The following WIF1 variants were observed in gnomAD, a reference collection of about 807,000 sequenced individuals.
The protein encoded by WIF1 is Wnt inhibitory factor 1.
Under a neutral mutation model 53.5 loss-of-function variants are expected in WIF1, and 35 were observed. That is an observed-to-expected ratio of 0.65 (90% CI 0.50 to 0.87). WIF1 has a LOEUF of 0.87. Ranked by LOEUF, WIF1 falls within the 40% of genes least tolerant of loss-of-function variation. WIF1 has a pLI of 0.00. For missense variants in WIF1, 467 were observed against 476.8 expected, an observed-to-expected ratio of 0.98 and a Z score of 0.19; for synonymous variants, 171 against 170.4, an observed-to-expected ratio of 1.00 and a Z score of -0.03.
At chr12:65,095,429 A>G (rs1033613954) in intron 2 of WIF1, among the ~76,000 whole-genome samples, 3 of 152,160 alleles carry the variant, frequency 2.0e-5, no homozygotes, top group African/African-American at 7.2e-5. Flanking sequence ...CTCACAATAC[A>G]TTCATTGTAC....
At chr12:65,057,097 A>T (rs942963274) in intron 7 of WIF1, among the ~76,000 whole-genome samples, 2 of 152,126 alleles carry the variant, frequency 1.3e-5, no homozygotes, top group African/African-American at 4.8e-5. Context: ...GAATGGGGGA[A>T]TGGGAGGGGT....
At chr12:65,082,246 C>G (rs892811876) in intron 2 of WIF1, among the ~76,000 whole-genome samples, 6 of 152,046 alleles carry the variant, frequency 3.9e-5, no homozygotes, top group Admixed American at 3.9e-4. Context: ...CCAAAGAGAA[C>G]AGAGAACTAG....
chr12:65,113,281 G>C (rs1397393292), intron 2 of WIF1, among the ~76,000 whole-genome samples: 1 of 152,194 alleles, frequency 6.6e-6, no homozygotes, highest in African/African-American at 2.4e-5. Flanking sequence ...GCTGAACTCA[G>C]TCCTCAAAGT....
At chr12:65,090,112 T>C (rs999762786) in intron 2 of WIF1, among the ~76,000 whole-genome samples, 3 of 152,066 alleles carry the variant, frequency 2.0e-5, no homozygotes, top group Admixed American at 1.3e-4. Flanking sequence ...CTGAGAGAGG[T>C]AGACATTTGG....
chr12:65,058,539 G>A (rs867291455), intron 7 of WIF1, among the ~76,000 whole-genome samples: 1 of 152,126 alleles, frequency 6.6e-6, no homozygotes, highest in African/African-American at 2.4e-5. Context: ...CAACAGAAAC[G>A]TGACTGCAGG....
rs976282443 is a variant in WIF1 at position 65,121,245 on chromosome 12, A to G, written c.-54T>C. 2 of 1,382,870 alleles carry G rather than the reference A, an allele frequency of 1.4e-6. No individual in the cohort carries two copies. Among genetic ancestry groups the G allele is most frequent in the African/African-American group, 3.0e-5 (2 of 67,680 alleles). 85.7% of individuals were successfully genotyped at this position (1,382,870 alleles called of 1,614,324 possible). A position where few individuals can be genotyped will look rare whatever the true frequency, so the allele number is the denominator to read the frequency against. Reference sequence around the variant, plus strand: ...AAACTCCTCGTGCCGCACCTACGCAACCTGGCGCCGTCAGATACTCTGCTG... The same window carrying G: ...AAACTCCTCGTGCCGCACCTACGCAGCCTGGCGCCGTCAGATACTCTGCTG... On this transcript the variant is annotated 5_prime_UTR_variant, in exon 1 of 10. Coordinates refer to ENST00000286574, the MANE Select transcript of WIF1 (RefSeq NM_007191.5).
chr12:65,071,080 A>G (rs1434991877), intron 3 of WIF1, among the ~76,000 whole-genome samples: 1 of 151,748 alleles, frequency 6.6e-6, no homozygotes, highest in Non-Finnish European at 1.5e-5. Flanking sequence ...ACTAAAAGCA[A>G]AAAAATTAGC....
In WIF1 at chr12:65,121,047, T is replaced by C; in HGVS notation, c.145A>G (p.Ile49Val). 1.3e-6 allele frequency: 2 copies of C among 1,500,396 alleles called. No individual in the cohort carries two copies. The highest frequency in any genetic ancestry group is 1.8e-6 in the Non-Finnish European group (2 of 1,117,674). 92.9% of individuals were successfully genotyped at this position (1,500,396 alleles called of 1,614,324 possible). The change falls in exon 1 of 10, where the codon ATA becomes GTA. Residue 49 changes from isoleucine (I) to valine (V), a missense_variant. Coordinates refer to ENST00000286574, the MANE Select transcript of WIF1 (RefSeq NM_007191.5). The stretch of plus-strand genomic sequence containing the variant: ...GCGCTGGAGGCGGGGGCCTTACCTA[T>C]GAGTACTCTTGCCTGGTGAGCATCG... The part of the protein sequence containing the change: ...WIDAHQARVL[I>V]GFEEDILIVS...
At chr12:65,119,621 C>T (rs899820274) in intron 2 of WIF1, among the ~76,000 whole-genome samples, 2 of 152,104 alleles carry the variant, frequency 1.3e-5, no homozygotes, top group South Asian at 4.1e-4. Flanking sequence ...TCATAGTAGA[C>T]ACATTCTACC....
chr12:65,073,815 ACTT>A (rs1289955569), intron 3 of WIF1, among the ~76,000 whole-genome samples: 5 of 152,176 alleles, frequency 3.3e-5, no homozygotes, highest in Non-Finnish European at 7.3e-5. Flanking sequence ...GTTCCCATAA[ACTT>A]CTTGCACCTG....
At position 65,109,817 on chromosome 12, in the gene WIF1, C is replaced by T. The variant is rs11175644; in HGVS notation, c.288+10600G>A. ...TGGGGAGAATAAGAAATGCCTGTCT[C>T]AGGGTTACTATGAAGATTCACTGAA... is the stretch of plus-strand genomic sequence containing the variant. On this transcript the variant is annotated intron_variant, in intron 2 of 9. Coordinates refer to ENST00000286574, the MANE Select transcript of WIF1 (RefSeq NM_007191.5). Among the ~76,000 whole-genome samples, 1,216 of 152,278 alleles carry T rather than the reference C, an allele frequency of 8.0e-3. 39 individuals are homozygous for T. The East Asian group carries it at 0.097, about 12-fold the overall frequency.
rs373348190 is a variant in WIF1 at position 65,082,761 on chromosome 12, C to T, written c.289-4907G>A. On this transcript the variant is annotated intron_variant, in intron 2 of 9. Coordinates refer to ENST00000286574, the MANE Select transcript of WIF1 (RefSeq NM_007191.5). The stretch of plus-strand genomic sequence containing the variant: ...GAAAGGAAGCAGAGAATTGCATTAA[C>T]CCCTTATTGAGAGGAATGAAGAGAA... 2.0e-3 allele frequency among the ~76,000 whole-genome samples: 306 copies of T among 152,200 alleles called. 1 individual carries two copies. The highest frequency in any genetic ancestry group is 3.2e-3 in the Non-Finnish European group (219 of 68,002).
chr12:65,114,726 A>G (rs1883483629), intron 2 of WIF1, among the ~76,000 whole-genome samples: 1 of 152,200 alleles, frequency 6.6e-6, no homozygotes, highest in African/African-American at 2.4e-5. Context: ...ATAAAAACAA[A>G]CACATTCCTA....
intron 2 of WIF1, among the ~76,000 whole-genome samples, chr12:65,089,477 A>G (rs1283608590): frequency 6.6e-6 from 1 of 152,086 alleles, no homozygotes; most frequent in Non-Finnish European, 1.5e-5. Flanking sequence ...CTTAAATGCC[A>G]ACTGGAATAT....
At chr12:65,119,054 G>T in intron 2 of WIF1, among the ~76,000 whole-genome samples, 1 of 152,206 alleles carries the variant, frequency 6.6e-6, no homozygotes, top group Admixed American at 6.5e-5. Flanking sequence ...GAATTAATTG[G>T]CCACTTAGTT....
At chr12:65,080,211 T>A (rs1398465767) in intron 2 of WIF1, among the ~76,000 whole-genome samples, 1 of 152,180 alleles carries the variant, frequency 6.6e-6, no homozygotes, top group African/African-American at 2.4e-5. Flanking sequence ...TCCCACTGCA[T>A]CCCCTCCTGT....
intron 2 of WIF1, among the ~76,000 whole-genome samples, chr12:65,089,709 C>T (rs1883094939): frequency 6.6e-6 from 1 of 152,096 alleles, no homozygotes; most frequent in Admixed American, 6.6e-5. Flanking sequence ...CCTGCACTTG[C>T]CCACCAAGCA....
intron 2 of WIF1, among the ~76,000 whole-genome samples, chr12:65,082,252 A>G (rs1316780787): frequency 6.6e-6 from 1 of 152,174 alleles, no homozygotes; most frequent in Non-Finnish European, 1.5e-5. Context: ...AGAACAGAGA[A>G]CTAGCTTTAA....
chr12:65,078,358 C>CT (rs1882896909), intron 2 of WIF1, among the ~76,000 whole-genome samples: 1 of 152,010 alleles, frequency 6.6e-6, no homozygotes. Context: ...GGATTACAGG[C>CT]TTTAGCTACT....
Sources: gnomAD v4.1 joint callset for allele counts (sites outside exome capture counted in the v4.1 genomes callset) on GRCh38, gnomAD v4.1.1 for gene constraint, MANE v1.5 for transcripts, NCBI Gene and HGNC (gene_info 2026-07-23, HGNC 2026-07-21) for gene names.